TAF13: variants seen among roughly 807,000 people sequenced by gnomAD.
TAF13 encodes the protein transcription initiation factor TFIID subunit 13.
In TAF13, 9 loss-of-function variants were observed where a neutral mutation model predicts 18.7. The ratio of observed to expected loss-of-function variants is 0.48; its 90% CI spans 0.29 to 0.84. The LOEUF (loss-of-function observed/expected upper bound fraction) is 0.84. Among genes scored for constraint, TAF13 ranks in the 40% least tolerant of loss-of-function variants. The pLI, the probability that TAF13 is intolerant of heterozygous loss-of-function variation, is 0.08. For synonymous variants in TAF13, 49 were observed against 44.1 expected (o/e 1.11, Z -0.44); for missense variants, 105 against 146.5 (o/e 0.72, Z 1.46).
intron 3 of TAF13, among the ~76,000 whole-genome samples, chr1:109,065,580 T>C (rs1184022920): frequency 1.3e-5 from 2 of 151,594 alleles, no homozygotes; most frequent in Non-Finnish European, 2.9e-5. Flanking sequence ...AATGGTATTA[T>C]GGATAATATT....
chr1:109,075,800 G>A, intron 1 of TAF13, 121 bp downstream of exon 1: 1 of 1,308,736 alleles, frequency 7.6e-7, no homozygotes, highest in South Asian at 1.2e-5. Flanking sequence ...AGGGCGTGAA[G>A]TCCCCGAACT....
intron 2 of TAF13, among the ~76,000 whole-genome samples, chr1:109,071,768 A>G (rs1013693035): frequency 6.6e-6 from 1 of 151,452 alleles, no homozygotes; most frequent in Non-Finnish European, 1.5e-5. Flanking sequence ...CCTGGCCAAC[A>G]TGATGAAACC....
At chr1:109,065,117 T>C (rs918705239) in intron 3 of TAF13, among the ~76,000 whole-genome samples, 1 of 152,196 alleles carries the variant, frequency 6.6e-6, no homozygotes, top group Admixed American at 6.6e-5. Flanking sequence ...ATCCTGTCAT[T>C]ATATACTCAC....
chr1:109,073,787 C>A lies in TAF13; in HGVS notation c.106+1200G>T, dbSNP rs540020957. On this transcript the variant is annotated intron_variant, in intron 2 of 3. Transcript: ENST00000338366. Reference sequence around the variant, plus strand: ...ATTGCAGCCTCTGCCCGGCTGCCACCCCGTCTAGGAATTGAGGAGCGTCTC... The same window carrying A: ...ATTGCAGCCTCTGCCCGGCTGCCACACCGTCTAGGAATTGAGGAGCGTCTC... 2.6e-5 allele frequency among the ~76,000 whole-genome samples: 4 copies of A among 152,344 alleles called. No individual in the cohort carries two copies. The South Asian group carries it at 8.3e-4, about 32-fold the overall frequency.
At chr1:109,073,244 A>G (rs1275473531) in intron 2 of TAF13, among the ~76,000 whole-genome samples, 1 of 151,970 alleles carries the variant, frequency 6.6e-6, no homozygotes, top group Non-Finnish European at 1.5e-5. Context: ...TGCTCACTTA[A>G]AAAGCAATTT....
intron 2 of TAF13, among the ~76,000 whole-genome samples, chr1:109,072,592 A>G (rs1486715289): frequency 6.6e-6 from 1 of 151,726 alleles, no homozygotes; most frequent in East Asian, 1.9e-4. Context: ...CTACAGGGGC[A>G]TGCCACCATG....
At chr1:109,074,779 CAAA>C (rs35227534) in intron 2 of TAF13, among the ~76,000 whole-genome samples, 5 of 105,072 alleles carry the variant, frequency 4.8e-5, no homozygotes, top group South Asian at 3.2e-4. Flanking sequence ...GACTCCGTCT[CAAA>C]AAAAAAAAAA....
chr1:109,071,298 G>A (rs112136972), intron 2 of TAF13, among the ~76,000 whole-genome samples: 3,236 of 152,142 alleles, frequency 0.021, 48 homozygotes, highest in South Asian at 0.034. Flanking sequence ...AAAATTAGCC[G>A]GGCATGGTGG....
chr1:109,068,112 A>C (rs1314761721), intron 2 of TAF13, among the ~76,000 whole-genome samples: 1 of 152,078 alleles, frequency 6.6e-6, no homozygotes, highest in Non-Finnish European at 1.5e-5. Context: ...GAGACTACAG[A>C]CACATGCCAC....
At chr1:109,075,113 T>A in intron 1 of TAF13, 48 bp from the exon 2 acceptor site, 1 of 1,464,672 alleles carries the variant, frequency 6.8e-7, no homozygotes, top group African/African-American at 1.4e-5. Context: ...TTGCCTTGCA[T>A]TTGATATTTT....
chr1:109,065,433 G>A (rs1201079282), intron 3 of TAF13, among the ~76,000 whole-genome samples: 1 of 151,858 alleles, frequency 6.6e-6, no homozygotes, highest in South Asian at 2.1e-4. Flanking sequence ...CAGCTGCAGT[G>A]AGCAATGATC....
chr1:109,065,840 G>C (rs780966354), intron 3 of TAF13, among the ~76,000 whole-genome samples: 6 of 150,874 alleles, frequency 4.0e-5, no homozygotes, highest in Non-Finnish European at 7.4e-5. Context: ...AGAATCCCTT[G>C]AATCCGGGAG....
intron 2 of TAF13, among the ~76,000 whole-genome samples, chr1:109,069,503 T>C (rs1248350147): frequency 2.0e-5 from 3 of 152,144 alleles, no homozygotes; most frequent in Admixed American, 6.6e-5. Flanking sequence ...TTTTTTTTTC[T>C]GAATATTTTC....
At chr1:109,067,142 G>A (rs569301718) in intron 2 of TAF13, among the ~76,000 whole-genome samples, 24 of 152,152 alleles carry the variant, frequency 1.6e-4, no homozygotes, top group Non-Finnish European at 2.8e-4. Flanking sequence ...GGCTTCATCT[G>A]AAGAAACCAT....
intron 2 of TAF13, among the ~76,000 whole-genome samples, chr1:109,074,301 T>A (rs553564919): frequency 2.0e-5 from 3 of 152,214 alleles, no homozygotes; most frequent in Admixed American, 2.0e-4. Context: ...CTCTGAAACA[T>A]GTGCTGTGTC....
At chr1:109,067,804 T>G (rs908064978) in intron 2 of TAF13, among the ~76,000 whole-genome samples, 13 of 152,194 alleles carry the variant, frequency 8.5e-5, no homozygotes, top group African/African-American at 3.1e-4. Context: ...AACTATTGAT[T>G]ATCCCCATTC....
intron 2 of TAF13, among the ~76,000 whole-genome samples, chr1:109,068,781 C>G (rs539295290): frequency 6.6e-6 from 1 of 152,280 alleles, no homozygotes; most frequent in South Asian, 2.1e-4. Context: ...GTGGGCGGAT[C>G]ACCTGAGGTC....
intron 2 of TAF13, among the ~76,000 whole-genome samples, chr1:109,069,280 T>C (rs1396508031): frequency 1.3e-5 from 2 of 152,262 alleles, no homozygotes; most frequent in East Asian, 3.9e-4. Context: ...GGACCTCCCG[T>C]GGATACCAAA....
At position 109,075,069 on chromosome 1, in the gene TAF13, G is replaced by T; in HGVS notation, c.28-4C>A. ...TTTCTTCATTTTCTTCCTCAAACTA[G>T]AAGTTAAAATGTATATATAGAAATG... On this transcript the variant is annotated splice_polypyrimidine_tract_variant and splice_region_variant and intron_variant, in intron 1 of 3. Transcript: ENST00000338366. 3.1e-6 allele frequency: 5 copies of T among 1,601,766 alleles called. No homozygotes were observed. Among genetic ancestry groups the T allele is most frequent in the Non-Finnish European group, 4.3e-6 (5 of 1,175,174 alleles).
Sources: gnomAD v4.1 joint callset for allele counts (sites outside exome capture counted in the v4.1 genomes callset) on GRCh38, gnomAD v4.1.1 for gene constraint, MANE v1.5 for transcripts, NCBI Gene and HGNC (gene_info 2026-07-23, HGNC 2026-07-21) for gene names.